Variants in TMEM74 observed in about 807,000 individuals in gnomAD.
TMEM74 encodes the protein transmembrane protein 74.
A neutral mutation model predicts 18.1 loss-of-function variants in TMEM74; 13 were observed. That is an observed-to-expected ratio of 0.72 (90% CI 0.47 to 1.14). TMEM74 has a LOEUF of 1.14. Ranked by LOEUF, TMEM74 falls within the 50% of genes most tolerant of loss-of-function variation. TMEM74 has a pLI of 0.00. For missense variants in TMEM74, 372 were observed against 375.9 expected, an observed-to-expected ratio of 0.99 and a Z score of 0.09; for synonymous variants, 159 against 146.6, an observed-to-expected ratio of 1.08 and a Z score of -0.61.
intron 2 of TMEM74, among the ~76,000 whole-genome samples, chr8:108,614,427 A>G (rs1439967688): frequency 1.3e-5 from 2 of 152,166 alleles, no homozygotes; most frequent in African/African-American, 4.8e-5. Context: ...AATAGTGGTG[A>G]GAGGCTAAAA....
At chr8:108,727,583 G>C (rs1040613969) in intron 1 of TMEM74, among the ~76,000 whole-genome samples, 5 of 152,280 alleles carry the variant, frequency 3.3e-5, no homozygotes, top group South Asian at 2.1e-4. Context: ...CAGAAATTCA[G>C]TTTTGTTTTT....
At position 108,779,665 on chromosome 8, in the gene TMEM74, A is replaced by G. The variant is rs1418288138; in HGVS notation, c.*4516T>C. Among the ~76,000 whole-genome samples, 1 of 152,182 alleles carries G rather than the reference A, an allele frequency of 6.6e-6. No individual in the cohort carries two copies. Among genetic ancestry groups the G allele is most frequent in the Non-Finnish European group, 1.5e-5 (1 of 68,022 alleles). ...AAGACTTCTCTTCTTCTTAATGTCA[A>G]TAGTAAGGCATGCCAAATTCCTATA... On this transcript the variant is annotated 3_prime_UTR_variant, in exon 2 of 2. Transcript: ENST00000297459.
chr8:108,696,661 T>A (rs1813284466), intron 1 of TMEM74, among the ~76,000 whole-genome samples: 1 of 152,188 alleles, frequency 6.6e-6, no homozygotes, highest in African/African-American at 2.4e-5. Context: ...GAAGGATCTA[T>A]CCCAAAAGGA....
At chr8:108,684,010 G>A (rs774008264) in intron 1 of TMEM74, among the ~76,000 whole-genome samples, 8 of 151,972 alleles carry the variant, frequency 5.3e-5, no homozygotes, top group Non-Finnish European at 1.0e-4. Context: ...CCTGTTGTTG[G>A]ACACTTAGAT....
intron 1 of TMEM74, among the ~76,000 whole-genome samples, chr8:108,786,206 T>C (rs1814383139): frequency 6.6e-6 from 1 of 152,192 alleles, no homozygotes; most frequent in Non-Finnish European, 1.5e-5. Flanking sequence ...TTTATAAACA[T>C]GTCACTCCTC....
At chr8:108,660,750 CAGTT>C (rs1376528428) in intron 1 of TMEM74, among the ~76,000 whole-genome samples, 4 of 152,068 alleles carry the variant, frequency 2.6e-5, no homozygotes, top group African/African-American at 7.2e-5. Context: ...CATTGTGAAA[CAGTT>C]AGCCGTAATA....
At chr8:108,618,920 A>T (rs1375506935) in intron 2 of TMEM74, among the ~76,000 whole-genome samples, 1 of 152,178 alleles carries the variant, frequency 6.6e-6, no homozygotes, top group Admixed American at 6.6e-5. Flanking sequence ...TGTTAGGGTG[A>T]TAATGCATGA....
intron 1 of TMEM74, among the ~76,000 whole-genome samples, chr8:108,660,712 G>A (rs1255562117): frequency 1.3e-5 from 2 of 152,048 alleles, no homozygotes; most frequent in African/African-American, 2.4e-5. Context: ...TCATAAACCT[G>A]CCCCTTTTTC....
chr8:108,651,449 G>A (rs1812773602), intron 2 of TMEM74, among the ~76,000 whole-genome samples: 1 of 151,958 alleles, frequency 6.6e-6, no homozygotes, highest in Non-Finnish European at 1.5e-5. Flanking sequence ...TATCTTCTCT[G>A]TGGTTTCCAG....
chr8:108,760,749 T>C (rs1172499414), intron 1 of TMEM74, among the ~76,000 whole-genome samples: 1 of 151,888 alleles, frequency 6.6e-6, no homozygotes, highest in Non-Finnish European at 1.5e-5. Flanking sequence ...CTGGAGAGGG[T>C]ACAGCGATGT....
chr8:108,753,285 C>G (rs1813920744), intron 1 of TMEM74, among the ~76,000 whole-genome samples: 3 of 151,982 alleles, frequency 2.0e-5, no homozygotes, highest in African/African-American at 7.2e-5. Flanking sequence ...GCTTCATTAT[C>G]TTTTGGCATT....
intron 1 of TMEM74, among the ~76,000 whole-genome samples, chr8:108,662,908 G>A (rs1586252101): frequency 6.6e-6 from 1 of 152,210 alleles, no homozygotes. Context: ...TAGAACATGG[G>A]GGAACTCTAT....
At chr8:108,687,149 C>A (rs1278360590) in intron 1 of TMEM74, among the ~76,000 whole-genome samples, 2 of 151,820 alleles carry the variant, frequency 1.3e-5, no homozygotes, top group African/African-American at 2.4e-5. Context: ...AAAATAACTT[C>A]CAGGTGATTA....
intron 2 of TMEM74, among the ~76,000 whole-genome samples, chr8:108,630,840 G>A (rs538671216): frequency 2.0e-5 from 3 of 152,112 alleles, no homozygotes; most frequent in African/African-American, 4.8e-5. Flanking sequence ...TGTTAAGAGG[G>A]AAATTTATAG....
At chr8:108,759,593 G>A (rs924048982) in intron 1 of TMEM74, among the ~76,000 whole-genome samples, 2 of 152,068 alleles carry the variant, frequency 1.3e-5, no homozygotes, top group South Asian at 2.1e-4. Context: ...GATATAAACT[G>A]AGTAAAAACA....
At chr8:108,651,060 C>T (rs1316804333) in intron 2 of TMEM74, among the ~76,000 whole-genome samples, 1 of 152,056 alleles carries the variant, frequency 6.6e-6, no homozygotes. Context: ...TACTCTACAC[C>T]GTTCTGTATC....
At chr8:108,749,334 G>A (rs979803514) in intron 1 of TMEM74, among the ~76,000 whole-genome samples, 7 of 152,118 alleles carry the variant, frequency 4.6e-5, no homozygotes, top group African/African-American at 9.7e-5. Flanking sequence ...TCCTTGAGCA[G>A]TGGTTTGTAG....
intron 1 of TMEM74, among the ~76,000 whole-genome samples, chr8:108,716,559 G>A (rs1027582330): frequency 1.3e-5 from 2 of 151,948 alleles, no homozygotes; most frequent in African/African-American, 4.8e-5. Context: ...ATGTTACAGT[G>A]AGAGGAAAAT....
intron 1 of TMEM74, among the ~76,000 whole-genome samples, chr8:108,750,711 G>A (rs939489180): frequency 8.5e-5 from 13 of 152,184 alleles, no homozygotes; most frequent in African/African-American, 1.9e-4. Context: ...ATGGGCATGC[G>A]TACAACTGCC....
Sources: gnomAD v4.1 joint callset for allele counts (sites outside exome capture counted in the v4.1 genomes callset) on GRCh38, gnomAD v4.1.1 for gene constraint, MANE v1.5 for transcripts, NCBI Gene and HGNC (gene_info 2026-07-23, HGNC 2026-07-21) for gene names.